SDK1: variants seen among roughly 807,000 people sequenced by gnomAD.
SDK1 encodes the protein sidekick cell adhesion molecule 1, also known as protein sidekick-1.
A neutral mutation model predicts 245.5 loss-of-function variants in SDK1; 157 were observed. The observed-to-expected ratio is 0.64, with a 90% CI of 0.56 to 0.73. The LOEUF (loss-of-function observed/expected upper bound fraction) is 0.73. SDK1 is among the 30% of genes least tolerant of loss of function. The probability of loss-of-function intolerance (pLI) is 0.00; values close to 1 mark genes in which losing one functional copy is unlikely to be tolerated. For missense variants in SDK1, 3,583 were observed against 3,002.3 expected (o/e 1.19, Z -4.52); for synonymous variants, 1,647 against 1,278.5 (o/e 1.29, Z -6.15).
chr7:3,918,683 C>G lies in SDK1; in HGVS notation c.848-32240C>G, dbSNP rs544121131. ...CCGACATTGGTAGAAAAACTGTCTT[C>G]TGTGAAACCAGTCCCTGTGCCAAAA... On this transcript the variant is annotated intron_variant, in intron 5 of 44. Transcript: ENST00000404826. Among the ~76,000 whole-genome samples the G allele has an allele frequency of 5.3e-5, 8 of 152,330 alleles. No homozygotes were observed. The South Asian group carries it at 1.7e-3, about 32-fold the overall frequency.
intron 4 of SDK1, among the ~76,000 whole-genome samples, chr7:3,818,053 A>G (rs1431698823): frequency 1.3e-5 from 2 of 152,224 alleles, no homozygotes; most frequent in African/African-American, 4.8e-5. Flanking sequence ...GCGGCAGCTC[A>G]TCTCATCCAT....
In SDK1 at chr7:3,900,432, G is replaced by A. The variant is rs562294403; in HGVS notation, c.848-50491G>A. 6.8e-4 allele frequency among the ~76,000 whole-genome samples: 104 copies of A among 152,212 alleles called. 1 individual carries two copies. The Middle Eastern group carries it at 0.02, about 30-fold the overall frequency. On this transcript the variant is annotated intron_variant, in intron 5 of 44. Transcript: ENST00000404826. ...AGGTTGGTTATAATAACAACACAACGTCATTTTTTCCTGTTTGGTGCTGAT... is the reference window on the plus strand; with the variant it reads ...AGGTTGGTTATAATAACAACACAACATCATTTTTTCCTGTTTGGTGCTGAT...
At chr7:3,698,961 A>G (rs1784662837) in intron 4 of SDK1, among the ~76,000 whole-genome samples, 1 of 152,236 alleles carries the variant, frequency 6.6e-6, no homozygotes, top group Non-Finnish European at 1.5e-5. Flanking sequence ...CAGGAGAGAC[A>G]TCAGCAGAGA....
At chr7:3,645,825 T>G (rs1782817387) in intron 4 of SDK1, among the ~76,000 whole-genome samples, 1 of 152,122 alleles carries the variant, frequency 6.6e-6, no homozygotes, top group Admixed American at 6.5e-5. Context: ...TTCCCACATA[T>G]TGAAATGCAG....
In SDK1 at chr7:3,550,104, G is replaced by A. The variant is rs569458887; in HGVS notation, c.299-68976G>A. 3.9e-5 allele frequency among the ~76,000 whole-genome samples: 6 copies of A among 151,946 alleles called. No individual in the cohort carries two copies. The East Asian group carries it at 9.7e-4, about 24-fold the overall frequency. ...CTTTATATACAAATCATATACATGG[G>A]CATGCATGCATACATATTTCAACAT... is the stretch of plus-strand genomic sequence containing the variant. On this transcript the variant is annotated intron_variant, in intron 1 of 44. Coordinates refer to ENST00000404826, the MANE Select transcript of SDK1 (RefSeq NM_152744.4).
Position 4,210,155 on chromosome 7 carries a change from T to C in SDK1, c.5532T>C (p.Pro1844=), listed in dbSNP as rs1232515347. ...GGGTGGTGTACGAGCCCTTGGCCCC[T>C]GTACAAGGTAAGACCCGGGGTTGGG... ...GYRVVYEPLA[P]VQGVSKVVTV... is the part of the protein sequence containing the mutation. Residue 1844 remains proline (P), a synonymous_variant, in exon 38 of 45, where the codon CCT becomes CCC. Transcript: ENST00000404826. 1.2e-5 allele frequency: 19 copies of C among 1,568,852 alleles called. No individual in the cohort carries two copies. Among genetic ancestry groups the C allele is most frequent in the Non-Finnish European group, 1.6e-5 (19 of 1,160,748 alleles).
intron 5 of SDK1, among the ~76,000 whole-genome samples, chr7:3,862,573 A>G (rs1308625504): frequency 6.6e-6 from 1 of 152,164 alleles, no homozygotes; most frequent in Non-Finnish European, 1.5e-5. Flanking sequence ...AGTTGGAAAA[A>G]GTGGTTATCT....
At chr7:3,809,001 T>C (rs1169676201) in intron 4 of SDK1, among the ~76,000 whole-genome samples, 2 of 152,126 alleles carry the variant, frequency 1.3e-5, no homozygotes, top group Non-Finnish European at 2.9e-5. Context: ...CCAAGGGTTA[T>C]TAGGCTGTTC....
chr7:3,892,863 A>C (rs1161847077), intron 5 of SDK1, among the ~76,000 whole-genome samples: 3 of 152,144 alleles, frequency 2.0e-5, no homozygotes, highest in African/African-American at 7.2e-5. Context: ...GTGGATCTCA[A>C]GTTCCTCTTC....
chr7:4,208,551 C>G (rs1784360425), intron 37 of SDK1, among the ~76,000 whole-genome samples: 1 of 152,220 alleles, frequency 6.6e-6, no homozygotes, highest in Admixed American at 6.5e-5. Context: ...CCTGGAGATT[C>G]AGAGGGGAGG....
chr7:4,141,041 C>G (rs1779552183), intron 28 of SDK1, among the ~76,000 whole-genome samples: 1 of 152,236 alleles, frequency 6.6e-6, no homozygotes, highest in Non-Finnish European at 1.5e-5. Context: ...GGTCTCCCGG[C>G]TCCCTGCTGT....
chr7:3,862,139 G>T (rs373171589), intron 5 of SDK1, among the ~76,000 whole-genome samples: 3 of 152,202 alleles, frequency 2.0e-5, no homozygotes, highest in Admixed American at 6.5e-5. Context: ...ATCTACTTAC[G>T]CAATGCTTAG....
intron 1 of SDK1, among the ~76,000 whole-genome samples, chr7:3,492,229 T>C (rs1180347616): frequency 1.3e-5 from 2 of 152,242 alleles, no homozygotes; most frequent in East Asian, 1.9e-4. Context: ...AAAATTGTTA[T>C]GTGCTAGGGG....
intron 1 of SDK1, among the ~76,000 whole-genome samples, chr7:3,558,111 T>G (rs909263526): frequency 6.6e-6 from 1 of 151,896 alleles, no homozygotes; most frequent in African/African-American, 2.4e-5. Flanking sequence ...GCCAGCATAT[T>G]CTATTGAAAT....
At chr7:3,455,314 T>C (rs1414769222) in intron 1 of SDK1, among the ~76,000 whole-genome samples, 1 of 152,036 alleles carries the variant, frequency 6.6e-6, no homozygotes, top group Non-Finnish European at 1.5e-5. Flanking sequence ...TTTTTCTATA[T>C]GGATTTGCTT....
intron 5 of SDK1, among the ~76,000 whole-genome samples, chr7:3,845,445 G>A (rs41872): frequency 2.8e-5 from 4 of 140,972 alleles, no homozygotes; most frequent in East Asian, 2.0e-4. Flanking sequence ...AGCCGAGATC[G>A]CGCCACTGCA....
chr7:4,104,071 TG>T (rs1480808772), intron 22 of SDK1, among the ~76,000 whole-genome samples: 1 of 152,238 alleles, frequency 6.6e-6, no homozygotes, highest in East Asian at 1.9e-4. Flanking sequence ...CCTGCTTGTT[TG>T]TGTTTGAGAC....
intron 1 of SDK1, among the ~76,000 whole-genome samples, chr7:3,310,077 G>A (rs1225791154): frequency 6.6e-6 from 1 of 152,162 alleles, no homozygotes; most frequent in Non-Finnish European, 1.5e-5. Flanking sequence ...AAAGCTCCCG[G>A]GTACTGTCCT....
chr7:4,149,137 C>T (rs1349558237), intron 29 of SDK1, 125 bp from the exon 30 acceptor site: 3 of 633,132 alleles, frequency 4.7e-6, no homozygotes, highest in Non-Finnish European at 7.3e-6. Context: ...TTCAGACTGT[C>T]CAAGGCATGC....
Sources: allele counts gnomAD v4.1 joint callset (sites outside exome capture counted in the v4.1 genomes callset), GRCh38; gene constraint gnomAD v4.1.1; transcripts MANE v1.5; gene names NCBI Gene and HGNC (gene_info 2026-07-23, HGNC 2026-07-21).